Variants in BCL11A observed in about 807,000 individuals in gnomAD.
BCL11A encodes B cell CLL/lymphoma 11A.
BCL11A carries 2 observed loss-of-function variants against 55.9 expected under a neutral mutation model. That is an observed-to-expected ratio of 0.04 (90% CI 0.01 to 0.11). The LOEUF is 0.11. BCL11A is among the 10% of genes least tolerant of loss of function. BCL11A has a pLI of 1.00. For missense variants in BCL11A, 817 were observed against 1,137.1 expected (o/e 0.72, Z 4.05); for synonymous variants, 465 against 473.4 (o/e 0.98, Z 0.23).
chr2:60,460,106 T>G lies in BCL11A; in HGVS notation c.*298A>C. The G allele has an allele frequency of 8.9e-7, 1 of 1,128,044 alleles. No homozygotes were observed. The highest frequency in any genetic ancestry group is 1.1e-6 in the Non-Finnish European group (1 of 922,954). The allele number at this position is 1,128,044 out of a possible 1,614,324, so 69.9% of individuals were successfully genotyped here. On this transcript the variant is annotated 3_prime_UTR_variant, in exon 4 of 4. Coordinates refer to ENST00000642384, the MANE Select transcript of BCL11A (RefSeq NM_022893.4). Reference sequence around the variant, plus strand: ...TTGCACAAGAGAAAGGCTCAAAGTTTGCGTAAAATGCAATAGTATTGCCCC... The same window carrying G: ...TTGCACAAGAGAAAGGCTCAAAGTTGGCGTAAAATGCAATAGTATTGCCCC...
downstream of BCL11A, chr2:60,452,693 G>A (rs1297778380): frequency 6.4e-7 from 1 of 1,559,360 alleles, no homozygotes. Context: ...GACAGAGGAG[G>A]GGGAAAAAAA....
Position 60,515,724 on chromosome 2 carries a change from G to A in BCL11A, c.385+30247C>T, listed in dbSNP as rs192864477. On this transcript the variant is annotated intron_variant, in intron 2 of 3. Transcript: ENST00000642384. ...CAGGGAGAAAGTGGTGGTGGGTGGC[G>A]GACAGAGATGTGAGTGGACTGACAC... Among the ~76,000 whole-genome samples the A allele has an allele frequency of 5.9e-5, 9 of 152,276 alleles. No individual in the cohort carries two copies. The East Asian group carries it at 7.7e-4, about 13-fold the overall frequency.
intron 2 of BCL11A, among the ~76,000 whole-genome samples, chr2:60,483,701 A>G (rs1413801432): frequency 1.3e-5 from 2 of 152,240 alleles, no homozygotes; most frequent in African/African-American, 2.4e-5. Flanking sequence ...AGGAAAATCT[A>G]AAACAGAAGA....
chr2:60,454,052 G>A (rs70953657), downstream of BCL11A, among the ~76,000 whole-genome samples: 13,566 of 152,106 alleles, frequency 0.089, 797 homozygotes, highest in Non-Finnish European at 0.14. Flanking sequence ...GAAAGAGAGA[G>A]AGAGAGAGAG....
chr2:60,490,312 TC>T (rs1333786014), intron 2 of BCL11A, among the ~76,000 whole-genome samples: 2 of 152,320 alleles, frequency 1.3e-5, no homozygotes, highest in Admixed American at 6.5e-5. Context: ...TGTCTTCTGA[TC>T]AGAGTATTTC....
At chr2:60,493,142 A>G (rs892013015) in intron 2 of BCL11A, among the ~76,000 whole-genome samples, 5 of 151,934 alleles carry the variant, frequency 3.3e-5, no homozygotes, top group African/African-American at 9.7e-5. Context: ...GGATTCATCC[A>G]TGGTGTGGAG....
Position 60,461,111 on chromosome 2 carries a change from T to C in BCL11A, c.1801A>G (p.Thr601Ala). 4 of 1,607,564 alleles carry C rather than the reference T, an allele frequency of 2.5e-6. No homozygotes were observed. Among genetic ancestry groups the C allele is most frequent in the Non-Finnish European group, 3.4e-6 (4 of 1,177,180 alleles). Residue 601 changes from threonine to alanine, a missense_variant, in exon 4 of 4, where the codon ACT becomes GCT. Thr to Ala is a moderately conservative substitution (Grantham distance 58, BLOSUM62 0). Coordinates refer to ENST00000642384, the MANE Select transcript of BCL11A (RefSeq NM_022893.4). ...GGGGAGCAGCCGCGGCCATTAACAG[T>C]GCCATCGTCTATGCGGTCCGACTCG... is the stretch of plus-strand genomic sequence containing the variant. ...AGESDRIDDG[T>A]VNGRGCSPGE...
chr2:60,485,523 G>A (rs531397157), intron 2 of BCL11A, among the ~76,000 whole-genome samples: 1 of 152,282 alleles, frequency 6.6e-6, no homozygotes, highest in Admixed American at 6.5e-5. Flanking sequence ...CTACCTATAA[G>A]GGAAAAATAA....
chr2:60,451,142 T>G (rs1011680093), downstream of BCL11A: 1 of 186,910 alleles, frequency 5.4e-6, no homozygotes, highest in African/African-American at 2.3e-5. Context: ...CAGCACTGTA[T>G]ACAGTATAAG....
chr2:60,544,661 G>A (rs1025416971), intron 2 of BCL11A: 3 of 152,158 alleles, frequency 2.0e-5, no homozygotes, highest in African/African-American at 7.2e-5. Flanking sequence ...GTTCAACTTT[G>A]TGGTCAAACT....
At chr2:60,467,246 GTGGTAA>G (rs1283705933) in intron 3 of BCL11A, among the ~76,000 whole-genome samples, 5 of 118,678 alleles carry the variant, frequency 4.2e-5, no homozygotes, top group East Asian at 7.4e-4. Context: ...AGTGATGGTG[GTGGTAA>G]TGGTGGTGGT....
Position 60,457,952 on chromosome 2 carries a change from C to CTTT in BCL11A, c.*2449_*2451dup. On this transcript the variant is annotated 3_prime_UTR_variant, in exon 4 of 4. Transcript: ENST00000642384. ...TAATGTCACACTTTTTTGTTTCTCT[C>CTTT]TTTTTTTTTTTTTTGAAGCATACAA... 8 of 917,090 alleles carry CTTT rather than the reference C, an allele frequency of 8.7e-6. No homozygotes were observed. The highest frequency in any genetic ancestry group is 1.0e-5 in the Non-Finnish European group (8 of 761,918). 56.8% of individuals were successfully genotyped at this position (917,090 alleles called of 1,614,324 possible).
intron 2 of BCL11A, among the ~76,000 whole-genome samples, chr2:60,472,345 C>A (rs1677255538): frequency 6.6e-6 from 1 of 152,204 alleles, no homozygotes; most frequent in South Asian, 2.1e-4. Flanking sequence ...CCTTTCTGGT[C>A]TCTCAAATGG....
intron 1 of BCL11A, 50 bp downstream of exon 1, chr2:60,553,166 G>C (rs772088784): frequency 6.1e-5 from 95 of 1,551,598 alleles, no homozygotes; most frequent in Non-Finnish European, 8.2e-5. Flanking sequence ...CTAGTCCTGC[G>C]CGCTCTCGTG....
At chr2:60,479,439 G>T (rs1003572422) in intron 2 of BCL11A, among the ~76,000 whole-genome samples, 5 of 152,308 alleles carry the variant, frequency 3.3e-5, no homozygotes, top group African/African-American at 1.2e-4. Flanking sequence ...GGCCACCAAC[G>T]TCAAGCTCTC....
rs1394805380 is a variant in BCL11A, at chr2:60,546,826, T to C, written c.56-526A>G. ...GTGTGTGAATGTATATACTCCTAAG[T>C]AAACAGACATGGCTTCATAAATTAG... is the stretch of plus-strand genomic sequence containing the variant. On this transcript the variant is annotated intron_variant, in intron 1 of 3. Coordinates refer to ENST00000642384, the MANE Select transcript of BCL11A (RefSeq NM_022893.4). This position sits in a 1 kb window ranked among gnomAD's most constrained non-coding sequence, Gnocchi z 4.1. 1.3e-5 allele frequency among the ~76,000 whole-genome samples: 2 copies of C among 152,106 alleles called. No individual in the cohort carries two copies. Among genetic ancestry groups the C allele is most frequent in the Non-Finnish European group, 1.5e-5 (1 of 68,012 alleles).
chr2:60,520,289 T>A (rs553743596), intron 2 of BCL11A, among the ~76,000 whole-genome samples: 1 of 152,350 alleles, frequency 6.6e-6, no homozygotes, highest in African/African-American at 2.4e-5. Context: ...TCTGCAGGTT[T>A]TGTTTATTTT....
intron 2 of BCL11A, among the ~76,000 whole-genome samples, chr2:60,502,156 T>C (rs918515296): frequency 2.0e-5 from 3 of 152,182 alleles, no homozygotes; most frequent in African/African-American, 7.2e-5. Context: ...ATCAGAATGA[T>C]ATGAATATTT....
chr2:60,518,277 A>G (rs1668823265), intron 2 of BCL11A, among the ~76,000 whole-genome samples: 1 of 152,234 alleles, frequency 6.6e-6, no homozygotes. Context: ...CTGAGCTCTC[A>G]TAATACATAA....
Sources: gnomAD v4.1 joint callset for allele counts (sites outside exome capture counted in the v4.1 genomes callset) on GRCh38, gnomAD v4.1.1 for gene constraint, Gnocchi (gnomAD v3.1) non-coding constraint, MANE v1.5 for transcripts, NCBI Gene and HGNC (gene_info 2026-07-23, HGNC 2026-07-21) for gene names.